ARHGAP32: variants seen among roughly 807,000 people sequenced by gnomAD.
The protein encoded by ARHGAP32 is rho GTPase-activating protein 32.
A neutral mutation model predicts 186.5 loss-of-function variants in ARHGAP32; 51 were observed. That is an observed-to-expected ratio of 0.27 (90% confidence interval 0.22 to 0.35). The LOEUF is 0.35. Among genes scored for constraint, ARHGAP32 ranks in the 10% least tolerant of loss-of-function variants. The pLI is 1.00. For synonymous variants in ARHGAP32, 950 were observed against 964.3 expected, an observed-to-expected ratio of 0.99 and a Z score of 0.27; for missense variants, 2,186 against 2,623.5, an observed-to-expected ratio of 0.83 and a Z score of 3.64.
rs116276051 is a variant in ARHGAP32, at chr11:129,061,448, C to T, written c.963+832G>A. On this transcript the variant is annotated intron_variant, in intron 10 of 22. Transcript: ENST00000682385. ...GGATACTTTTTCCTATACATGCATA[C>T]GTATGATAAAGTTTAATTTATCAAT... Among the ~76,000 whole-genome samples the T allele has an allele frequency of 5.7e-3, 865 of 152,218 alleles. 10 individuals carry two copies. The highest frequency in any genetic ancestry group is 0.019 in the African/African-American group (799 of 41,538).
intron 1 of ARHGAP32, among the ~76,000 whole-genome samples, chr11:129,178,928 C>A (rs1360074097): frequency 1.3e-5 from 2 of 152,046 alleles, no homozygotes; most frequent in Non-Finnish European, 2.9e-5. Context: ...CCAACAAGAG[C>A]CAAAATTGAC....
intron 1 of ARHGAP32, among the ~76,000 whole-genome samples, chr11:129,255,161 G>A (rs1945237250): frequency 6.6e-6 from 1 of 152,028 alleles, no homozygotes; most frequent in Non-Finnish European, 1.5e-5. Context: ...TATAATAATT[G>A]GAACAGCACA....
intron 1 of ARHGAP32, among the ~76,000 whole-genome samples, chr11:129,222,175 C>T (rs1294167258): frequency 6.6e-6 from 1 of 152,124 alleles, no homozygotes; most frequent in Non-Finnish European, 1.5e-5. Context: ...TACTCTAAAG[C>T]ATATTCCCTC....
chr11:129,078,313 T>C (rs958906390), intron 6 of ARHGAP32, among the ~76,000 whole-genome samples: 1 of 152,046 alleles, frequency 6.6e-6, no homozygotes, highest in East Asian at 1.9e-4. Flanking sequence ...ACAGCAGACC[T>C]TGAAGCCAAG....
Position 128,971,084 on chromosome 11 carries a change from T to C in ARHGAP32, c.4129A>G (p.Ser1377Gly), listed in dbSNP as rs2136067175. The C allele has an allele frequency of 1.2e-6, 2 of 1,614,228 alleles. No individual in the cohort carries two copies. The highest frequency in any genetic ancestry group is 1.1e-5 in the South Asian group (1 of 91,086). Residue 1377 changes from serine (S) to glycine (G), a missense_variant, in exon 23 of 23, where the codon AGT becomes GGT. Ser to Gly is a moderately conservative substitution (Grantham distance 56). Coordinates refer to ENST00000682385, the MANE Select transcript of ARHGAP32 (RefSeq NM_001378024.1). ...TGAGCAGCAGCAGCACCACTGTCAC[T>C]GATGAAGGCAGACGCAGGGTCATCC... ...AMDDPASAFI[S>G]DSGAAAAQCP...
chr11:129,095,239 A>C (rs1941698094), intron 5 of ARHGAP32, among the ~76,000 whole-genome samples: 1 of 152,220 alleles, frequency 6.6e-6, no homozygotes, highest in Admixed American at 6.5e-5. Flanking sequence ...GACAGAAGTG[A>C]CTCAAAGATG....
intron 11 of ARHGAP32, among the ~76,000 whole-genome samples, chr11:129,036,380 CAAAAAAAAAAAAAAAAA>C (rs58678377): frequency 1.0e-5 from 1 of 98,696 alleles, no homozygotes; most frequent in Admixed American, 1.0e-4. Flanking sequence ...AACTCCGTCT[CAAAAAAAAAAAAAAAAA>C]AAAAAAAAAG....
At chr11:129,093,555 A>C in intron 6 of ARHGAP32, 66 bp downstream of exon 6, 1 of 1,116,234 alleles carries the variant, frequency 9.0e-7, no homozygotes, top group Non-Finnish European at 1.3e-6. Context: ...TATAGAAATA[A>C]ATTTAATCAT....
At position 129,162,581 on chromosome 11, in the gene ARHGAP32, G is replaced by A. The variant is rs544954503; in HGVS notation, c.225+1738C>T. On this transcript the variant is annotated intron_variant, in intron 2 of 22. Coordinates refer to ENST00000682385, the MANE Select transcript of ARHGAP32 (RefSeq NM_001378024.1). ...AAACATTAATTCAGTAAAACCTGAA[G>A]TGGAATCTACTAAGATACATTATAA... Among the ~76,000 whole-genome samples the A allele has an allele frequency of 1.8e-4, 27 of 152,278 alleles. No individual in the cohort carries two copies. The East Asian group carries it at 4.8e-3, about 27-fold the overall frequency.
intron 1 of ARHGAP32, among the ~76,000 whole-genome samples, chr11:129,244,708 G>A (rs1331756755): frequency 6.6e-6 from 1 of 151,588 alleles, no homozygotes. Flanking sequence ...TCTGACAAAG[G>A]GCTAATATCC....
At chr11:129,200,066 T>C (rs537692155) in intron 1 of ARHGAP32, among the ~76,000 whole-genome samples, 402 of 152,324 alleles carry the variant, frequency 2.6e-3, no homozygotes, top group African/African-American at 9.2e-3. Flanking sequence ...GGCCAATTTT[T>C]CCCATTTGGA....
At chr11:128,980,891 T>C (rs1043669320) in intron 17 of ARHGAP32, 143 bp from the exon 18 acceptor site, 5 of 584,220 alleles carry the variant, frequency 8.6e-6, no homozygotes, top group Middle Eastern at 4.3e-4. Flanking sequence ...CATAGTGCTT[T>C]ATATTAAATG....
At chr11:129,197,670 T>C (rs575312742) in intron 1 of ARHGAP32, among the ~76,000 whole-genome samples, 5 of 152,214 alleles carry the variant, frequency 3.3e-5, no homozygotes, top group Non-Finnish European at 7.4e-5. Context: ...TCTAAAATAT[T>C]TCCAATGACT....
At chr11:129,224,885 G>C (rs193033233) in intron 1 of ARHGAP32, among the ~76,000 whole-genome samples, 155 of 152,126 alleles carry the variant, frequency 1.0e-3, no homozygotes, top group South Asian at 3.3e-3. Context: ...GCTGAACCAG[G>C]AGAATCATTT....
rs755899492 is a variant in ARHGAP32, at chr11:128,968,900, G to T, written c.*7C>A. On this transcript the variant is annotated 3_prime_UTR_variant, in exon 23 of 23. Coordinates refer to ENST00000682385, the MANE Select transcript of ARHGAP32 (RefSeq NM_001378024.1). Reference sequence around the variant, plus strand: ...AGAGGCTGCTTCAACTCTATTGCTCGCAGGGCTCATTCTGCATGGATCTGT... The same window carrying T: ...AGAGGCTGCTTCAACTCTATTGCTCTCAGGGCTCATTCTGCATGGATCTGT... The T allele has an allele frequency of 6.8e-7, 1 of 1,478,590 alleles. No individual in the cohort carries two copies. The highest frequency in any genetic ancestry group is 9.0e-7 in the Non-Finnish European group (1 of 1,109,758). 91.6% of individuals were successfully genotyped at this position (1,478,590 alleles called of 1,614,324 possible).
At chr11:129,087,232 T>A (rs1262677494) in intron 6 of ARHGAP32, among the ~76,000 whole-genome samples, 2 of 152,254 alleles carry the variant, frequency 1.3e-5, no homozygotes, top group Admixed American at 1.3e-4. Context: ...CCTGTAATCA[T>A]GCTCCTTGGT....
intron 1 of ARHGAP32, among the ~76,000 whole-genome samples, chr11:129,217,217 C>G (rs1202372658): frequency 6.6e-6 from 1 of 152,144 alleles, no homozygotes; most frequent in East Asian, 1.9e-4. Context: ...CTTTTCTGCT[C>G]TAAATTCACC....
intron 11 of ARHGAP32, among the ~76,000 whole-genome samples, chr11:129,003,179 A>G (rs2134766809): frequency 6.6e-6 from 1 of 152,274 alleles, no homozygotes; most frequent in South Asian, 2.1e-4. Flanking sequence ...TGTTGATATG[A>G]TGTATCGCAT....
Position 129,038,055 on chromosome 11 carries a change from C to T in ARHGAP32, c.1045+2873G>A, listed in dbSNP as rs561261287. 5.9e-5 allele frequency among the ~76,000 whole-genome samples: 9 copies of T among 151,864 alleles called. No individual in the cohort carries two copies. In the East Asian group the frequency reaches 7.7e-4, roughly 13 times the overall value. ...GGCGGAGGTTGCAGTGAGCCGAGATCGCACCACTGCACTCCAACCTGGGTG... is the reference window on the plus strand; with the variant it reads ...GGCGGAGGTTGCAGTGAGCCGAGATTGCACCACTGCACTCCAACCTGGGTG... On this transcript the variant is annotated intron_variant, in intron 11 of 22. Transcript: ENST00000682385.
Sources: gnomAD v4.1 joint callset for allele counts (sites outside exome capture counted in the v4.1 genomes callset) on GRCh38, gnomAD v4.1.1 for gene constraint, MANE v1.5 for transcripts, NCBI Gene and HGNC (gene_info 2026-07-23, HGNC 2026-07-21) for gene names.